The following MGAM2 variants were observed in gnomAD, a reference collection of about 807,000 sequenced individuals.
MGAM2 encodes the protein probable maltase-glucoamylase 2.
Under a neutral mutation model 96.1 loss-of-function variants are expected in MGAM2, and 98 were observed. That is an observed-to-expected ratio of 1.02 (90% CI 0.87 to 1.21). The LOEUF (loss-of-function observed/expected upper bound fraction) is 1.21, where lower values mean the gene tolerates loss of function less well. Among genes scored for constraint, MGAM2 ranks in the 50% most tolerant of loss-of-function variants. MGAM2 has a pLI of 0.00. For missense variants in MGAM2, 2,055 were observed against 1,182.4 expected (o/e 1.74, Z -10.82); for synonymous variants, 749 against 414.8 (o/e 1.81, Z -9.79).
chr7:142,197,037 G>T (rs1358885203), intron 40 of MGAM2, among the ~76,000 whole-genome samples: 1 of 152,112 alleles, frequency 6.6e-6, no homozygotes, highest in Non-Finnish European at 1.5e-5. Flanking sequence ...ATGAGGAAAG[G>T]TTTTTATAGT....
chr7:142,177,290 A>G (rs867160000), intron 32 of MGAM2, among the ~76,000 whole-genome samples: 7 of 152,176 alleles, frequency 4.6e-5, no homozygotes, highest in African/African-American at 1.7e-4. Context: ...TTTTAAAACC[A>G]TCAGATCTCA....
In MGAM2 at chr7:142,137,621, A is replaced by G. The variant is rs1353072317; in HGVS notation, c.960+76A>G. 1.3e-4 allele frequency: 72 copies of G among 537,678 alleles called. No individual in the cohort carries two copies. In the East Asian group the frequency reaches 2.2e-3, roughly 16 times the overall value. 33.3% of individuals were successfully genotyped at this position (537,678 alleles called of 1,614,324 possible). A position where few individuals can be genotyped will look rare whatever the true frequency, so the allele number is the denominator to read the frequency against. ...CTCATTATAAATTAATAAAAGAAAA[A>G]TAAAAGGTATTAGTAAACTGTATGG... is the stretch of plus-strand genomic sequence containing the variant. On this transcript the variant is annotated intron_variant, in intron 9 of 47. Coordinates refer to ENST00000477922, the MANE Select transcript of MGAM2 (RefSeq NM_001293626.2).
Position 142,166,011 on chromosome 7 carries a change from G to T in MGAM2, c.2653-87G>T, listed in dbSNP as rs181608252. Reference sequence around the variant, plus strand: ...TTTGGAGGAAGGAATAGATGCCCTTGTCCTGACTTCCAGACTTCCAGCCAA... The same window carrying T: ...TTTGGAGGAAGGAATAGATGCCCTTTTCCTGACTTCCAGACTTCCAGCCAA... On this transcript the variant is annotated intron_variant, in intron 24 of 47. Coordinates refer to ENST00000477922, the MANE Select transcript of MGAM2 (RefSeq NM_001293626.2). 132 of 597,928 alleles carry T rather than the reference G, an allele frequency of 2.2e-4. 1 individual carries two copies. In the African/African-American group the frequency reaches 2.2e-3, roughly 10 times the overall value. The allele number at this position is 597,928 out of a possible 1,614,324, so 37.0% of individuals were successfully genotyped here.
intron 25 of MGAM2, among the ~76,000 whole-genome samples, chr7:142,166,797 A>G (rs1278988470): frequency 1.3e-5 from 2 of 152,230 alleles, no homozygotes; most frequent in Non-Finnish European, 2.9e-5. Context: ...TAGGGTTACC[A>G]TAACAGAGTA....
intron 45 of MGAM2, among the ~76,000 whole-genome samples, chr7:142,203,267 C>T (rs1797294397): frequency 6.6e-6 from 1 of 152,112 alleles, no homozygotes; most frequent in South Asian, 2.1e-4. Flanking sequence ...TGTGAAGAAG[C>T]TCTGTAGTTT....
chr7:142,186,896 T>C (rs1363727018), intron 35 of MGAM2, among the ~76,000 whole-genome samples: 1 of 151,528 alleles, frequency 6.6e-6, no homozygotes, highest in Non-Finnish European at 1.5e-5. Context: ...AACAGGCAAA[T>C]CAGACAGTGG....
intron 12 of MGAM2, among the ~76,000 whole-genome samples, chr7:142,143,509 C>T (rs1260257499): frequency 1.3e-5 from 2 of 152,166 alleles, no homozygotes; most frequent in Non-Finnish European, 2.9e-5. Flanking sequence ...TGACATAATG[C>T]AGTTGTACTT....
rs188645750 is a variant in MGAM2, at chr7:142,187,413, G to T, written c.4123-337G>T. Among the ~76,000 whole-genome samples the T allele has an allele frequency of 1.6e-3, 245 of 152,344 alleles. 1 individual carries two copies. Among genetic ancestry groups the T allele is most frequent in the Non-Finnish European group, 2.2e-3 (153 of 68,034 alleles). ...TTGGGGAGTTGTATCAAGGGGAGTT[G>T]TATCAAGAGATTTCCTTAGGTCCTG... On this transcript the variant is annotated intron_variant, in intron 35 of 47. Transcript: ENST00000477922.
At chr7:142,212,148 A>C (rs530726045) in intron 46 of MGAM2, among the ~76,000 whole-genome samples, 28 of 152,368 alleles carry the variant, frequency 1.8e-4, no homozygotes, top group African/African-American at 5.8e-4. Flanking sequence ...TTACAAGCAA[A>C]TGCTGAGGGA....
At chr7:142,208,137 T>C (rs1797465643) in intron 45 of MGAM2, 1 of 458,354 alleles carries the variant, frequency 2.2e-6, no homozygotes, top group Non-Finnish European at 4.4e-6. Context: ...AGCTATTAAG[T>C]ACAAGAGTTG....
chr7:142,198,571 T>C, intron 43 of MGAM2, 44 bp from the exon 44 acceptor site: 1 of 695,384 alleles, frequency 1.4e-6, no homozygotes, highest in Non-Finnish European at 2.6e-6. Flanking sequence ...TCTCATTTAA[T>C]ATATTTATCT....
rs1032563346 is a variant in MGAM2, at chr7:142,204,873, C to G, written c.5138-3700C>G. 5.3e-5 allele frequency among the ~76,000 whole-genome samples: 8 copies of G among 151,986 alleles called. No homozygotes were observed. The East Asian group carries it at 1.4e-3, about 26-fold the overall frequency. ...CAAAAGTCAAAAAGAGGAGGTTGACCAGCCATCCTGAATTTCAAAGCTGTA... is the reference window on the plus strand; with the variant it reads ...CAAAAGTCAAAAAGAGGAGGTTGACGAGCCATCCTGAATTTCAAAGCTGTA... On this transcript the variant is annotated intron_variant, in intron 45 of 47. Coordinates refer to ENST00000477922, the MANE Select transcript of MGAM2 (RefSeq NM_001293626.2).
intron 19 of MGAM2, among the ~76,000 whole-genome samples, chr7:142,158,849 G>A (rs1307149514): frequency 6.6e-6 from 1 of 152,190 alleles, no homozygotes; most frequent in African/African-American, 2.4e-5. Flanking sequence ...GGATCAGGAA[G>A]GATTATGCTG....
At chr7:142,139,270 A>G (rs1047015475) in intron 10 of MGAM2, among the ~76,000 whole-genome samples, 2 of 152,178 alleles carry the variant, frequency 1.3e-5, no homozygotes, top group African/African-American at 4.8e-5. Context: ...GTAATATTTG[A>G]TGATCTTCTC....
At chr7:142,149,459 A>G (rs1795489108) in intron 15 of MGAM2, among the ~76,000 whole-genome samples, 1 of 152,234 alleles carries the variant, frequency 6.6e-6, no homozygotes, top group Non-Finnish European at 1.5e-5. Flanking sequence ...TAATGATTTT[A>G]AAATCTATAA....
Position 142,160,115 on chromosome 7 carries a change from T to C in MGAM2, c.2221-19T>C, listed in dbSNP as rs1389018283. 4 of 697,870 alleles carry C rather than the reference T, an allele frequency of 5.7e-6. No homozygotes were observed. The highest frequency in any genetic ancestry group is 2.0e-5 in the Admixed American group (1 of 49,200). The allele number at this position is 697,870 out of a possible 1,614,324, so 43.2% of individuals were successfully genotyped here. ...ACAGCTTATTACCTGATCTATCTTTTGTTGTTGTTGCTGATTAGGGAGTGG... is the reference window on the plus strand; with the variant it reads ...ACAGCTTATTACCTGATCTATCTTTCGTTGTTGTTGCTGATTAGGGAGTGG... On this transcript the variant is annotated intron_variant, in intron 20 of 47. Coordinates refer to ENST00000477922, the MANE Select transcript of MGAM2 (RefSeq NM_001293626.2).
chr7:142,178,825 G>A (rs905047046), intron 32 of MGAM2, among the ~76,000 whole-genome samples: 6 of 152,152 alleles, frequency 3.9e-5, no homozygotes, highest in Non-Finnish European at 8.8e-5. Context: ...TAGTTTAATA[G>A]ATATAGCATT....
intron 3 of MGAM2, among the ~76,000 whole-genome samples, chr7:142,128,364 C>T (rs937011800): frequency 1.4e-4 from 21 of 152,142 alleles, no homozygotes; most frequent in Admixed American, 2.6e-4. Context: ...AAAAGAAAAA[C>T]CCATTTTCTG....
intron 20 of MGAM2, 33 bp downstream of exon 20, chr7:142,159,376 C>T (rs894599402): frequency 1.4e-6 from 1 of 701,482 alleles, no homozygotes; most frequent in Admixed American, 2.0e-5. Flanking sequence ...GCTCACAGAC[C>T]TGCCTCTAGC....
Sources: allele counts gnomAD v4.1 joint callset (sites outside exome capture counted in the v4.1 genomes callset), GRCh38; gene constraint gnomAD v4.1.1; transcripts MANE v1.5; gene names NCBI Gene and HGNC (gene_info 2026-07-23, HGNC 2026-07-21).